The following SCAF8 variants were observed in gnomAD, a reference collection of about 807,000 sequenced individuals.
SCAF8 encodes the protein SR-related CTD associated factor 8.
Under a neutral mutation model 140.5 loss-of-function variants are expected in SCAF8, and 23 were observed. The ratio of observed to expected loss-of-function variants is 0.16; its 90% CI spans 0.12 to 0.23. SCAF8 has a LOEUF of 0.23. Ranked by LOEUF, SCAF8 falls within the 10% of genes least tolerant of loss-of-function variation. The pLI is 1.00. For missense variants in SCAF8, 1,397 were observed against 1,555.7 expected (o/e 0.90, Z 1.72); for synonymous variants, 575 against 528.9 (o/e 1.09, Z -1.20).
chr6:154,788,515 C>G (rs1777320140), intron 4 of SCAF8, among the ~76,000 whole-genome samples: 1 of 152,118 alleles, frequency 6.6e-6, no homozygotes. Flanking sequence ...TTGAATTTCT[C>G]AAACAGAGAG....
rs112371074 is a variant in SCAF8, at chr6:154,792,993, T to C, written c.475+17T>C. 5.7e-6 allele frequency: 9 copies of C among 1,584,978 alleles called. No homozygotes were observed. The African/African-American group carries it at 6.8e-5, about 12-fold the overall frequency. On this transcript the variant is annotated intron_variant, in intron 5 of 19. Transcript: ENST00000367178. ...ATACTCCAGGTATGTTGCTTTAATA[T>C]AGATTTGTTGTCTAAATATTCTACT...
At chr6:154,760,408 G>T (rs1779072927) in intron 1 of SCAF8, among the ~76,000 whole-genome samples, 1 of 152,060 alleles carries the variant, frequency 6.6e-6, no homozygotes, top group African/African-American at 2.4e-5. Context: ...TTGCTAGACA[G>T]ATGTTTGCAT....
intron 1 of SCAF8, among the ~76,000 whole-genome samples, chr6:154,740,277 G>A (rs189190298): frequency 6.6e-6 from 1 of 152,092 alleles, no homozygotes; most frequent in African/African-American, 2.4e-5. Flanking sequence ...TGCATTCCAG[G>A]ATGTTTACAG....
intron 12 of SCAF8, among the ~76,000 whole-genome samples, chr6:154,812,176 CTTTTTTTTTTTTT>C (rs67493657): frequency 1.9e-5 from 2 of 106,404 alleles, no homozygotes; most frequent in African/African-American, 7.6e-5. Context: ...AAGATACTGC[CTTTTTTTTTTTTT>C]TTTTTTTTTT....
At chr6:154,756,839 G>C (rs1030182068) in intron 1 of SCAF8, among the ~76,000 whole-genome samples, 1 of 151,958 alleles carries the variant, frequency 6.6e-6, no homozygotes, top group Non-Finnish European at 1.5e-5. Context: ...GACCAGCCTG[G>C]ACAACATAAC....
intron 1 of SCAF8, among the ~76,000 whole-genome samples, chr6:154,772,557 C>T (rs1200834929): frequency 1.3e-5 from 2 of 151,996 alleles, no homozygotes; most frequent in Non-Finnish European, 2.9e-5. Flanking sequence ...CATGTGGTGG[C>T]GTGTGCCTGT....
intron 18 of SCAF8, 103 bp downstream of exon 18, chr6:154,827,343 G>T: frequency 1.3e-6 from 1 of 777,374 alleles, no homozygotes; most frequent in Non-Finnish European, 2.1e-6. Context: ...TATTATGAAA[G>T]CTTTAAGACA....
In SCAF8 at chr6:154,792,989, A is replaced by G. The variant is rs919128772; in HGVS notation, c.475+13A>G. 2 of 1,586,542 alleles carry G rather than the reference A, an allele frequency of 1.3e-6. No homozygotes were observed. The highest frequency in any genetic ancestry group is 1.7e-6 in the Non-Finnish European group (2 of 1,168,352). ...AGCAATACTCCAGGTATGTTGCTTT[A>G]ATATAGATTTGTTGTCTAAATATTC... On this transcript the variant is annotated intron_variant, in intron 5 of 19. Transcript: ENST00000367178.
intron 6 of SCAF8, among the ~76,000 whole-genome samples, chr6:154,799,565 T>C (rs1247965513): frequency 3.3e-5 from 5 of 151,336 alleles, no homozygotes; most frequent in Admixed American, 6.6e-5. Flanking sequence ...ACCCTGGTTT[T>C]ATATTATCCT....
chr6:154,746,112 C>T (rs1778692991), intron 1 of SCAF8, among the ~76,000 whole-genome samples: 1 of 152,180 alleles, frequency 6.6e-6, no homozygotes, highest in Non-Finnish European at 1.5e-5. Flanking sequence ...TCTTGAACTC[C>T]TGGCCTCAAG....
chr6:154,788,166 C>T, intron 4 of SCAF8, 144 bp downstream of exon 4: 1 of 638,184 alleles, frequency 1.6e-6, no homozygotes, highest in South Asian at 2.4e-5. Flanking sequence ...GTGGTGGTCT[C>T]CTAAGATTGT....
At chr6:154,770,320 T>A (rs1024620696) in intron 1 of SCAF8, among the ~76,000 whole-genome samples, 5 of 151,278 alleles carry the variant, frequency 3.3e-5, no homozygotes, top group Admixed American at 1.3e-4. Context: ...ACACACACGT[T>A]GAGTATGGTG....
chr6:154,818,619 G>T, intron 14 of SCAF8, 27 bp downstream of exon 14: 1 of 1,170,540 alleles, frequency 8.5e-7, no homozygotes, highest in Non-Finnish European at 1.3e-6. Flanking sequence ...TGGAACTTGG[G>T]GTAGGGGGGC....
chr6:154,772,727 G>T (rs1276976914), intron 1 of SCAF8, among the ~76,000 whole-genome samples: 2 of 152,082 alleles, frequency 1.3e-5, no homozygotes, highest in African/African-American at 4.8e-5. Context: ...GGGGGATGGG[G>T]TGGGATTATT....
At chr6:154,737,622 C>T (rs1206349818) in intron 1 of SCAF8, among the ~76,000 whole-genome samples, 1 of 152,204 alleles carries the variant, frequency 6.6e-6, no homozygotes, top group Non-Finnish European at 1.5e-5. Flanking sequence ...GTGGGAGGAT[C>T]TCATGACCCA....
chr6:154,794,722 T>G (rs1000549303), intron 5 of SCAF8, among the ~76,000 whole-genome samples: 1 of 125,226 alleles, frequency 8.0e-6, no homozygotes, highest in African/African-American at 3.0e-5. Flanking sequence ...AGTAACTTAG[T>G]TAATTGAGGA....
At chr6:154,821,565 G>A (rs1234642473) in intron 15 of SCAF8, among the ~76,000 whole-genome samples, 1 of 152,156 alleles carries the variant, frequency 6.6e-6, no homozygotes, top group Non-Finnish European at 1.5e-5. Context: ...GGGTGTGGAG[G>A]TATTGCAGTT....
chr6:154,737,711 G>C (rs116797311), intron 1 of SCAF8, among the ~76,000 whole-genome samples: 2 of 151,946 alleles, frequency 1.3e-5, no homozygotes, highest in African/African-American at 4.8e-5. Context: ...GAAAAATTGA[G>C]ACAGGTACTC....
At chr6:154,756,801 C>T (rs780774171) in intron 1 of SCAF8, among the ~76,000 whole-genome samples, 7 of 152,024 alleles carry the variant, frequency 4.6e-5, no homozygotes, top group African/African-American at 7.3e-5. Flanking sequence ...CGGAGGAGGG[C>T]GGATCGCTTG....
Sources: allele counts gnomAD v4.1 joint callset (sites outside exome capture counted in the v4.1 genomes callset), GRCh38; gene constraint gnomAD v4.1.1; transcripts MANE v1.5; gene names NCBI Gene and HGNC (gene_info 2026-07-23, HGNC 2026-07-21).